RARRES1: variants seen among roughly 807,000 people sequenced by gnomAD.
The protein encoded by RARRES1 is retinoic acid receptor responder protein 1.
A neutral mutation model predicts 30.6 loss-of-function variants in RARRES1; 34 were observed. The ratio of observed to expected loss-of-function variants is 1.11; its 90% CI spans 0.84 to 1.48. The LOEUF (loss-of-function observed/expected upper bound fraction) is 1.48, where lower values mean the gene tolerates loss of function less well. Ranked by LOEUF, RARRES1 falls within the 40% of genes most tolerant of loss-of-function variation. The pLI, the probability that RARRES1 is intolerant of heterozygous loss-of-function variation, is 0.00. For missense variants in RARRES1, 373 were observed against 386.5 expected (o/e 0.97, Z 0.29); for synonymous variants, 153 against 155.5 (o/e 0.98, Z 0.12).
At chr3:158,702,823 A>T (rs1726782803) in intron 4 of RARRES1, among the ~76,000 whole-genome samples, 1 of 152,220 alleles carries the variant, frequency 6.6e-6, no homozygotes, top group African/African-American at 2.4e-5. Flanking sequence ...ATTAGATGAT[A>T]ATTTCTATTT....
rs560833894 is a variant in RARRES1, at chr3:158,716,669, C to T, written c.277-2810G>A. 8.6e-5 allele frequency among the ~76,000 whole-genome samples: 13 copies of T among 151,894 alleles called. No homozygotes were observed. In the South Asian group the frequency reaches 2.3e-3, roughly 27 times the overall value. ...CACGATCTCGGCTCACTGCAACCTC[C>T]GCCTCCTGGGTTCAAGCAATTCTCC... On this transcript the variant is annotated intron_variant, in intron 1 of 5. Coordinates refer to ENST00000237696, the MANE Select transcript of RARRES1 (RefSeq NM_206963.2).
At chr3:158,707,630 T>A (rs1726969411) in intron 3 of RARRES1, among the ~76,000 whole-genome samples, 1 of 152,188 alleles carries the variant, frequency 6.6e-6, no homozygotes, top group Non-Finnish European at 1.5e-5. Flanking sequence ...GACCGTCTCC[T>A]GAAAGTGCAT....
At chr3:158,697,870 A>G (rs758764867) in intron 5 of RARRES1, 38 bp downstream of exon 5, 11 of 1,579,224 alleles carry the variant, frequency 7.0e-6, no homozygotes, top group African/African-American at 5.4e-5. Flanking sequence ...GCAAAAACTT[A>G]TGGTAAAAAC....
chr3:158,720,296 G>C (rs918099429), intron 1 of RARRES1, among the ~76,000 whole-genome samples: 4 of 151,748 alleles, frequency 2.6e-5, no homozygotes, highest in Non-Finnish European at 4.4e-5. Context: ...GAGAGAGAGA[G>C]AGCGCTGGGA....
intron 1 of RARRES1, among the ~76,000 whole-genome samples, chr3:158,730,583 G>A (rs903609269): frequency 6.6e-5 from 10 of 151,632 alleles, no homozygotes; most frequent in South Asian, 2.1e-4. Flanking sequence ...ACAGGCCCAC[G>A]CCACCACATC....
At chr3:158,698,721 G>A in intron 4 of RARRES1, among the ~76,000 whole-genome samples, 1 of 150,338 alleles carries the variant, frequency 6.7e-6, no homozygotes. Context: ...TAGTAAAAAT[G>A]GAAGAAAGAA....
intron 2 of RARRES1, among the ~76,000 whole-genome samples, chr3:158,711,730 G>A (rs1199369298): frequency 2.0e-5 from 3 of 151,812 alleles, no homozygotes; most frequent in African/African-American, 7.3e-5. Context: ...GAGTAGCTGG[G>A]ATTACAGGTG....
intron 4 of RARRES1, among the ~76,000 whole-genome samples, chr3:158,703,659 C>G (rs1348704955): frequency 6.6e-6 from 1 of 152,156 alleles, no homozygotes; most frequent in African/African-American, 2.4e-5. Context: ...ATGAAATGGG[C>G]AGTTCTCAGT....
Position 158,710,730 on chromosome 3 carries a change from AT to A in RARRES1, c.535+7del. ...CTGAATATAGAAATTCCAAATGCTGATTCATACCAGGTATGCTGACTATTTC... is the reference window on the plus strand; with the variant it reads ...CTGAATATAGAAATTCCAAATGCTGATCATACCAGGTATGCTGACTATTTC... On this transcript the variant is annotated splice_region_variant and intron_variant, in intron 3 of 5. Coordinates refer to ENST00000237696, the MANE Select transcript of RARRES1 (RefSeq NM_206963.2). 6.3e-7 allele frequency: 1 copy of A among 1,583,826 alleles called. No homozygotes were observed. The highest frequency in any genetic ancestry group is 8.6e-7 in the Non-Finnish European group (1 of 1,157,522).
chr3:158,714,544 GCT>G (rs1423434559), intron 1 of RARRES1, among the ~76,000 whole-genome samples: 1 of 152,204 alleles, frequency 6.6e-6, no homozygotes, highest in African/African-American at 2.4e-5. Context: ...CCAATGCTAT[GCT>G]CTTTCTTTCG....
At chr3:158,710,963 C>T (rs368158928) in intron 2 of RARRES1, 30 bp from the exon 3 acceptor site, 170 of 1,576,830 alleles carry the variant, frequency 1.1e-4, no homozygotes, top group Non-Finnish European at 1.4e-4. Flanking sequence ...ACTTTATCAC[C>T]TCCCACTCAC....
chr3:158,718,000 A>T (rs1727380217), intron 1 of RARRES1, among the ~76,000 whole-genome samples: 1 of 127,436 alleles, frequency 7.8e-6, no homozygotes, highest in South Asian at 2.6e-4. Context: ...TTTTTTTGAG[A>T]CAGAGTCTTG....
chr3:158,700,088 C>T (rs751086968), intron 4 of RARRES1, among the ~76,000 whole-genome samples: 32 of 152,034 alleles, frequency 2.1e-4, no homozygotes, highest in Admixed American at 3.3e-4. Flanking sequence ...AATCCCAGCA[C>T]TTTGGGAGGC....
chr3:158,702,987 TC>T (rs969160465), intron 4 of RARRES1, among the ~76,000 whole-genome samples: 1 of 152,162 alleles, frequency 6.6e-6, no homozygotes, highest in African/African-American at 2.4e-5. Flanking sequence ...GCTGGGTAAA[TC>T]CTGTACTCAG....
chr3:158,702,227 A>T (rs1167911743), intron 4 of RARRES1, among the ~76,000 whole-genome samples: 1 of 152,054 alleles, frequency 6.6e-6, no homozygotes, highest in African/African-American at 2.4e-5. Context: ...TTTAGTAGAG[A>T]CAGGGTTTCA....
At position 158,710,352 on chromosome 3, in the gene RARRES1, C is replaced by T. The variant is rs565656814; in HGVS notation, c.535+386G>A. 4.9e-4 allele frequency among the ~76,000 whole-genome samples: 75 copies of T among 152,118 alleles called. 1 individual carries two copies. Among genetic ancestry groups the T allele is most frequent in the Non-Finnish European group, 8.7e-4 (59 of 68,002 alleles). On this transcript the variant is annotated intron_variant, in intron 3 of 5. Coordinates refer to ENST00000237696, the MANE Select transcript of RARRES1 (RefSeq NM_206963.2). ...CCTCCTGAGTAGCTGGGACTACAGG[C>T]GCCCACCACCACGCCTGGCTAATTT...
chr3:158,705,031 C>T, intron 3 of RARRES1, 104 bp from the exon 4 acceptor site: 1 of 1,416,350 alleles, frequency 7.1e-7, no homozygotes, highest in Non-Finnish European at 9.5e-7. Context: ...TACCAGTCAT[C>T]TCTCTCACAG....
At chr3:158,730,732 G>C (rs984888875) in intron 1 of RARRES1, among the ~76,000 whole-genome samples, 1 of 151,966 alleles carries the variant, frequency 6.6e-6, no homozygotes, top group South Asian at 2.1e-4. Context: ...GATTACAGGC[G>C]TGAGCCACCA....
chr3:158,713,363 A>G (rs1402749461), intron 2 of RARRES1, among the ~76,000 whole-genome samples: 1 of 152,176 alleles, frequency 6.6e-6, no homozygotes, highest in African/African-American at 2.4e-5. Flanking sequence ...CGTGTTTTAC[A>G]GAGTGCCTCT....
Sources: gnomAD v4.1 joint callset for allele counts (sites outside exome capture counted in the v4.1 genomes callset) on GRCh38, gnomAD v4.1.1 for gene constraint, MANE v1.5 for transcripts, NCBI Gene and HGNC (gene_info 2026-07-23, HGNC 2026-07-21) for gene names.